Variants in MPDU1 observed in about 807,000 individuals in gnomAD.
MPDU1 encodes the protein mannose-P-dolichol utilization defect 1, also known as mannose-P-dolichol utilization defect 1 protein.
In MPDU1, 18 loss-of-function variants were observed where a neutral mutation model predicts 27.6. That is an observed-to-expected ratio of 0.65 (90% confidence interval 0.45 to 0.97). The LOEUF (loss-of-function observed/expected upper bound fraction) is 0.97, where lower values mean the gene tolerates loss of function less well. Among genes scored for constraint, MPDU1 ranks in the 50% least tolerant of loss-of-function variants. The pLI, the probability that MPDU1 is intolerant of heterozygous loss-of-function variation, is 0.00. For missense variants in MPDU1, 279 were observed against 297.4 expected (o/e 0.94, Z 0.46); for synonymous variants, 142 against 131.1 (o/e 1.08, Z -0.57).
At chr17:7,586,437 C>G (rs1435412376) in intron 3 of MPDU1, 1 of 518,006 alleles carries the variant, frequency 1.9e-6, no homozygotes. Context: ...GAAACTCAGT[C>G]TTAAAAAAAA....
Position 7,588,007 on chromosome 17 carries a change from G to A in MPDU1, c.*456G>A, listed in dbSNP as rs959016999. Reference sequence around the variant, plus strand: ...CTCAGCCCGGCTGGGACTGTCTCCCGGACCCCAGTGCTGGGGTGGGGGAAG... The same window carrying A: ...CTCAGCCCGGCTGGGACTGTCTCCCAGACCCCAGTGCTGGGGTGGGGGAAG... On this transcript the variant is annotated 3_prime_UTR_variant, in exon 7 of 7. Coordinates refer to ENST00000250124, the MANE Select transcript of MPDU1 (RefSeq NM_004870.4). 4.1e-6 allele frequency: 2 copies of A among 486,218 alleles called. No individual in the cohort carries two copies. The highest frequency in any genetic ancestry group is 1.9e-5 in the African/African-American group (1 of 51,404). The allele number at this position is 486,218 out of a possible 1,614,324, so 30.1% of individuals were successfully genotyped here.
chr17:7,583,809 C>A (rs765520986), upstream of MPDU1: 7 of 1,580,338 alleles, frequency 4.4e-6, no homozygotes, highest in East Asian at 2.2e-5. Flanking sequence ...AGCGCGCACG[C>A]GCAACGAAAG....
intron 3 of MPDU1, 78 bp from the exon 4 acceptor site, chr17:7,586,614 C>T (rs1396503425): frequency 2.4e-6 from 3 of 1,251,540 alleles, no homozygotes; most frequent in Non-Finnish European, 3.5e-6. Flanking sequence ...CATAGTGTCC[C>T]TGGATGGATG....
intron 3 of MPDU1, 40 bp from the exon 4 acceptor site, chr17:7,586,652 C>G (rs1211812481): frequency 1.3e-6 from 2 of 1,586,296 alleles, no homozygotes; most frequent in African/African-American, 1.3e-5. Context: ...CTGCCTCTTT[C>G]TAGGCCCGCC....
At position 7,584,113 on chromosome 17, in the gene MPDU1, G is replaced by A. The variant is rs2071541647; in HGVS notation, c.103+148G>A. On this transcript the variant is annotated intron_variant, in intron 1 of 6. Transcript: ENST00000250124. ...CTTCTGAGAAGGGCGGAAGTGTCTC[G>A]GGCTCCTTAGAGGGAGGACACCATA... is the stretch of plus-strand genomic sequence containing the variant. 30 of 806,948 alleles carry A rather than the reference G, an allele frequency of 3.7e-5. No homozygotes were observed. The South Asian group carries it at 4.1e-4, about 11-fold the overall frequency. The allele number at this position is 806,948 out of a possible 1,614,324, so 50.0% of individuals were successfully genotyped here.
At chr17:7,586,580 G>T in intron 3 of MPDU1, 112 bp from the exon 4 acceptor site, 2 of 940,270 alleles carry the variant, frequency 2.1e-6, no homozygotes, top group South Asian at 1.3e-5. Context: ...CCCGTGTGGG[G>T]GCTGTAGAGA....
At position 7,587,726 on chromosome 17, in the gene MPDU1, G is replaced by A; in HGVS notation, c.*175G>A. 1 of 984,862 alleles carries A rather than the reference G, an allele frequency of 1.0e-6. No homozygotes were observed. Among genetic ancestry groups the A allele is most frequent in the Non-Finnish European group, 1.5e-6 (1 of 646,756 alleles). 61.0% of individuals were successfully genotyped at this position (984,862 alleles called of 1,614,324 possible). A position where few individuals can be genotyped will look rare whatever the true frequency, so the allele number is the denominator to read the frequency against. ...AATGGTTGATGGATCCAGATCCTTA[G>A]AAAAGGAGAGGATGGGGGTAGAGTC... is the stretch of plus-strand genomic sequence containing the variant. On this transcript the variant is annotated 3_prime_UTR_variant, in exon 7 of 7. Transcript: ENST00000250124.
rs372426106 is a variant in MPDU1, at chr17:7,586,067, C to T, written c.291C>T (p.Asn97=). 9 of 1,613,656 alleles carry T rather than the reference C, an allele frequency of 5.6e-6. No homozygotes were observed. The African/African-American group carries it at 1.2e-4, about 22-fold the overall frequency. Residue 97 remains asparagine, a synonymous_variant, in exon 3 of 7, where the codon AAC becomes AAT. Transcript: ENST00000250124. Reference sequence around the variant, plus strand: ...CCATGGTCTACAGCATCACTAACAACTTCCCATTCAGGTGAGGGGCCCACC... The same window carrying T: ...CCATGGTCTACAGCATCACTAACAATTTCCCATTCAGGTGAGGGGCCCACC... ...TGTMVYSITN[N]FPFSSWGEAL...
intron 3 of MPDU1, 91 bp from the exon 4 acceptor site, chr17:7,586,601 G>C: frequency 1.8e-6 from 2 of 1,138,330 alleles, no homozygotes; most frequent in Non-Finnish European, 2.7e-6. Flanking sequence ...AGCGTGATCA[G>C]AGCATAGTGT....
chr17:7,586,261 G>A (rs1395101507), intron 3 of MPDU1, 183 bp downstream of exon 3: 3 of 689,906 alleles, frequency 4.3e-6, no homozygotes, highest in Admixed American at 2.2e-5. Context: ...CCAACATGGT[G>A]AAACCCCGTC....
chr17:7,587,982 C>T lies in MPDU1; in HGVS notation c.*431C>T, dbSNP rs552782991. The stretch of plus-strand genomic sequence containing the variant: ...TGGGAGGCTGTGGCTGCCTCCCTCC[C>T]TCAGCCCGGCTGGGACTGTCTCCCG... On this transcript the variant is annotated 3_prime_UTR_variant, in exon 7 of 7. Transcript: ENST00000250124. 68 of 479,082 alleles carry T rather than the reference C, an allele frequency of 1.4e-4. No homozygotes were observed. The highest frequency in any genetic ancestry group is 1.3e-3 in the African/African-American group (66 of 51,208). The allele number at this position is 479,082 out of a possible 1,614,324, so 29.7% of individuals were successfully genotyped here.
At chr17:7,583,805 CACGCGCA>C, upstream of MPDU1, 1 of 1,564,484 alleles carries the variant, frequency 6.4e-7, no homozygotes, top group Non-Finnish European at 8.8e-7. Flanking sequence ...CCGCAGCGCG[CACGCGCA>C]ACGAAAGTCA....
chr17:7,586,896 T>A lies in MPDU1; in HGVS notation c.389-3T>A, dbSNP rs760951968. The stretch of plus-strand genomic sequence containing the variant: ...ACAAGGACTCCTGTCTCCCCACCCC[T>A]AGGTGTCGCTTTCCTCGCTTGCTAC... On this transcript the variant is annotated splice_polypyrimidine_tract_variant and splice_region_variant and intron_variant, in intron 4 of 6. Coordinates refer to ENST00000250124, the MANE Select transcript of MPDU1 (RefSeq NM_004870.4). 3.7e-6 allele frequency: 6 copies of A among 1,613,844 alleles called. No homozygotes were observed. The highest frequency in any genetic ancestry group is 5.1e-6 in the Non-Finnish European group (6 of 1,179,850).
At chr17:7,586,551 C>A in intron 3 of MPDU1, 141 bp from the exon 4 acceptor site, 1 of 773,928 alleles carries the variant, frequency 1.3e-6, no homozygotes, top group Non-Finnish European at 2.3e-6. Context: ...AGAATGGCCA[C>A]GATTCAGAAT....
In MPDU1 at chr17:7,583,949, G is replaced by A; in HGVS notation, c.87G>A (p.Gln29=). 6.2e-7 allele frequency: 1 copy of A among 1,614,136 alleles called. No homozygotes were observed. The highest frequency in any genetic ancestry group is 8.5e-7 in the Non-Finnish European group (1 of 1,180,038). Residue 29 remains glutamine, a synonymous_variant, in exon 1 of 7, where the codon CAG becomes CAA. Transcript: ENST00000250124. ...PEKCYDQLFV[Q]WDLLHVPCLK... is the part of the protein sequence containing the mutation. ...AATGCTACGACCAACTTTTCGTTCA[G>A]TGGGACTTGCTTCACGGTGAGTTTT... is the stretch of plus-strand genomic sequence containing the variant.
upstream of MPDU1, chr17:7,583,690 C>T (rs773040165): frequency 6.3e-6 from 5 of 794,642 alleles, no homozygotes; most frequent in Non-Finnish European, 1.1e-5. Context: ...TGGTCCCTGA[C>T]TGAGACTTAT....
rs1555570093 is a variant in MPDU1 at position 7,586,699 on chromosome 17, G to A, written c.310G>A (p.Gly104Ser). Residue 104 changes from glycine (G) to serine (S), a missense_variant, in exon 4 of 7, where the codon GGT becomes AGT. Physicochemically the swap from Gly to Ser is moderately conservative, Grantham distance 56 (BLOSUM62 0). Coordinates refer to ENST00000250124, the MANE Select transcript of MPDU1 (RefSeq NM_004870.4). ...ITNNFPFSSW[G>S]EALFLMLQTI... Reference sequence around the variant, plus strand: ...CAACTCTTGACTCTGCAGCTCTTGGGGTGAAGCCTTATTCCTGATGCTCCA... The same window carrying A: ...CAACTCTTGACTCTGCAGCTCTTGGAGTGAAGCCTTATTCCTGATGCTCCA... The A allele has an allele frequency of 6.2e-7, 1 of 1,614,086 alleles. No individual in the cohort carries two copies. The highest frequency in any genetic ancestry group is 8.5e-7 in the Non-Finnish European group (1 of 1,179,992).
In MPDU1 at chr17:7,586,956, C is replaced by T. The variant is rs764397720; in HGVS notation, c.446C>T (p.Thr149Met). 22 of 1,613,668 alleles carry T rather than the reference C, an allele frequency of 1.4e-5. No homozygotes were observed. Among genetic ancestry groups the T allele is most frequent in the Admixed American group, 3.3e-5 (2 of 59,970 alleles). Residue 149 changes from threonine (T) to methionine (M), a missense_variant, in exon 5 of 7, where the codon ACG becomes ATG. Physicochemically the swap from Thr to Met is moderately conservative, Grantham distance 81 (BLOSUM62 -1). Transcript: ENST00000250124. ...LVLLVLLSPL[T>M]PLTVVTLLQA... ...CTGCTGGTGCTTCTCTCACCTCTGA[C>T]GCCCTTGACTGTAGTCACCCTGCTC...
At chr17:7,585,578 C>G (rs1352187371) in intron 1 of MPDU1, 154 bp from the exon 2 acceptor site, 2 of 686,680 alleles carry the variant, frequency 2.9e-6, no homozygotes, top group African/African-American at 1.8e-5. Flanking sequence ...CAGGAAGGAC[C>G]AGGACTTTCT....
Sources: gnomAD v4.1 joint callset for allele counts on GRCh38, gnomAD v4.1.1 for gene constraint, MANE v1.5 for transcripts, NCBI Gene and HGNC (gene_info 2026-07-23, HGNC 2026-07-21) for gene names.